Variants in MUC17 observed in about 807,000 individuals in gnomAD.
The protein encoded by MUC17 is mucin-17.
A neutral mutation model predicts 170.3 loss-of-function variants in MUC17; 190 were observed. The ratio of observed to expected loss-of-function variants is 1.12; its 90% CI spans 0.99 to 1.26. MUC17 has a LOEUF of 1.26. MUC17 is among the 50% of genes most tolerant of loss of function. MUC17 has a pLI of 0.00. For synonymous variants in MUC17, 2,325 were observed against 2,002.5 expected, an observed-to-expected ratio of 1.16 and a Z score of -4.30; for missense variants, 6,415 against 5,530.0, an observed-to-expected ratio of 1.16 and a Z score of -5.08.
chr7:101,043,415 C>G lies in MUC17; in HGVS notation c.11999C>G (p.Ala4000Gly), dbSNP rs1390874004. ...ACAACACCCGCAATGACTACTGCAG[C>G]TCCCCTCACATATGTGACCATGTCT... Reference protein sequence around the residue: ...EFTTPAMTTAAPLTYVTMSTA... With the variant: ...EFTTPAMTTAGPLTYVTMSTA... The change falls in exon 3 of 13, where the codon GCT (alanine) becomes GGT (glycine). Residue 4000 changes from alanine (A) to glycine (G), a missense_variant. Physicochemically the swap from Ala to Gly is moderately conservative, Grantham distance 60. Transcript: ENST00000306151. The G allele has an allele frequency of 3.1e-6, 5 of 1,614,170 alleles. No homozygotes were observed. Among genetic ancestry groups the G allele is most frequent in the Middle Eastern group, 3.3e-4 (2 of 6,060 alleles).
chr7:101,029,456 T>G (rs1489161304), intron 1 of MUC17, among the ~76,000 whole-genome samples: 2 of 152,188 alleles, frequency 1.3e-5, no homozygotes, highest in Non-Finnish European at 2.9e-5. Context: ...TCTGGGTAGG[T>G]TTCCATAGGT....
rs201477515 is a variant in MUC17 at position 101,038,978 on chromosome 7, C to G, written c.7562C>G (p.Pro2521Arg). The change falls in exon 3 of 13, where the codon CCT becomes CGT. Residue 2521 changes from proline to arginine, a missense_variant. Pro to Arg is a moderately radical substitution (Grantham distance 103). Coordinates refer to ENST00000306151, the MANE Select transcript of MUC17 (RefSeq NM_001040105.2). ...GGAAGTACTCTATTAACAAGTATAC[C>G]TGTCAGCACCACGCCAGTGGCCAGT... ...SEGSTLLTSI[P>R]VSTTPVASPE... 1 of 1,613,796 alleles carries G rather than the reference C, an allele frequency of 6.2e-7. No individual in the cohort carries two copies.
In MUC17 at chr7:101,041,897, C is replaced by T. The variant is rs1279507590; in HGVS notation, c.10481C>T (p.Pro3494Leu). The change falls in exon 3 of 13, where the codon CCA (proline) becomes CTA (leucine). Residue 3494 changes from proline (P) to leucine (L), a missense_variant. Transcript: ENST00000306151. The stretch of plus-strand genomic sequence containing the variant: ...AGCACACCTGTGACCACTTCTTCTC[C>T]AACCAATTCATCTCCTACAACTGCT... ...DTSTPVTTSSPTNSSPTTAEV... is the reference protein window; with the variant it reads ...DTSTPVTTSSLTNSSPTTAEV... 1.9e-6 allele frequency: 3 copies of T among 1,601,218 alleles called. No homozygotes were observed. Among genetic ancestry groups the T allele is most frequent in the East Asian group, 4.5e-5 (2 of 44,214 alleles).
Position 101,036,336 on chromosome 7 carries a change from C to A in MUC17, c.4920C>A (p.Thr1640=). The part of the protein sequence containing the change: ...SPLLTSIPVS[T]TPVASPEAST... ...TATTAACAAGTATACCTGTCAGCACCACGCCGGTGGCCAGTCCTGAGGCTA... is the reference window on the plus strand; with the variant it reads ...TATTAACAAGTATACCTGTCAGCACAACGCCGGTGGCCAGTCCTGAGGCTA... The change falls in exon 3 of 13, where the codon ACC becomes ACA. Residue 1640 remains threonine (T), a synonymous_variant. Transcript: ENST00000306151. 2 of 1,613,950 alleles carry A rather than the reference C, an allele frequency of 1.2e-6. No individual in the cohort carries two copies. Among genetic ancestry groups the A allele is most frequent in the Non-Finnish European group, 1.7e-6 (2 of 1,179,930 alleles).
chr7:101,021,488 C>T (rs1003471849), intron 1 of MUC17, among the ~76,000 whole-genome samples: 2 of 151,902 alleles, frequency 1.3e-5, no homozygotes, highest in Non-Finnish European at 2.9e-5. Context: ...GCTCCTGGCC[C>T]CCTCCTTTCT....
intron 12 of MUC17, among the ~76,000 whole-genome samples, chr7:101,057,091 G>C (rs796237235): frequency 2.6e-5 from 4 of 152,070 alleles, no homozygotes; most frequent in African/African-American, 9.6e-5. Flanking sequence ...ACTGGAGGTT[G>C]GTTCTAGAGG....
At position 101,041,996 on chromosome 7, in the gene MUC17, C is replaced by G. The variant is rs144268563; in HGVS notation, c.10580C>G (p.Thr3527Arg). 6.2e-7 allele frequency: 1 copy of G among 1,613,438 alleles called. No individual in the cohort carries two copies. The highest frequency in any genetic ancestry group is 8.5e-7 in the Non-Finnish European group (1 of 1,179,550). Residue 3527 changes from threonine to arginine, a missense_variant, in exon 3 of 13, where the codon ACA (threonine) becomes AGA (arginine). By Grantham distance (71) the Thr-to-Arg change is moderately conservative. Transcript: ENST00000306151. ...TTAACAAATATGCCTGTCAGCACCA[C>G]ACCGGTGGCCAGTTCTGAGGCTAGC... is the stretch of plus-strand genomic sequence containing the variant. Reference protein sequence around the residue: ...TPLTNMPVSTTPVASSEASTL... With the variant: ...TPLTNMPVSTRPVASSEASTL...
At chr7:101,020,981 C>G (rs980059989) in intron 1 of MUC17, among the ~76,000 whole-genome samples, 1 of 152,116 alleles carries the variant, frequency 6.6e-6, no homozygotes, top group African/African-American at 2.4e-5. Context: ...GAAACTGGAC[C>G]CATAGACCTC....
intron 11 of MUC17, among the ~76,000 whole-genome samples, chr7:101,055,618 G>A (rs4515479): frequency 0.42 from 63,823 of 152,006 alleles, 14,181 homozygotes; most frequent in Non-Finnish European, 0.5. Flanking sequence ...ATTGACAAAA[G>A]TCAGTGAGGA....
At chr7:101,047,499 C>T (rs1046245424) in intron 3 of MUC17, among the ~76,000 whole-genome samples, 13 of 152,156 alleles carry the variant, frequency 8.5e-5, no homozygotes, top group Non-Finnish European at 1.6e-4. Context: ...TAGTAACTGT[C>T]CTGTGCACCC....
rs771212891 is a variant in MUC17, at chr7:101,043,274, T to C, written c.11858T>C (p.Val3953Ala). ...CCTGTCACCAGTTCTACTGCTGATG[T>C]CTTTCCTGCAACAACTGGTGCTGTA... ...STPVTSSTADVFPATTGAVST... is the reference protein window; with the variant it reads ...STPVTSSTADAFPATTGAVST... Residue 3953 changes from valine to alanine, a missense_variant, in exon 3 of 13, where the codon GTC (valine) becomes GCC (alanine). Transcript: ENST00000306151. 17 of 1,614,066 alleles carry C rather than the reference T, an allele frequency of 1.1e-5. 1 individual carries two copies. In the Admixed American group the frequency reaches 1.7e-4, roughly 16 times the overall value.
intron 3 of MUC17, among the ~76,000 whole-genome samples, chr7:101,044,914 A>G (rs1040374822): frequency 6.6e-6 from 1 of 152,166 alleles, no homozygotes; most frequent in African/African-American, 2.4e-5. Context: ...TAGAAGCAAA[A>G]GAAGATTCCT....
At position 101,025,818 on chromosome 7, in the gene MUC17, C is replaced by T. The variant is rs1794170567; in HGVS notation, c.83-5302C>T. ...TCAAAAAAAAAAAAAAAAAGCTGGGCATGGTGATGCATGCCTGTAGTCCCA... is the reference window on the plus strand; with the variant it reads ...TCAAAAAAAAAAAAAAAAAGCTGGGTATGGTGATGCATGCCTGTAGTCCCA... On this transcript the variant is annotated intron_variant, in intron 1 of 12. Coordinates refer to ENST00000306151, the MANE Select transcript of MUC17 (RefSeq NM_001040105.2). 4.0e-5 allele frequency among the ~76,000 whole-genome samples: 6 copies of T among 148,222 alleles called. No individual in the cohort carries two copies. In the South Asian group the frequency reaches 1.3e-3, roughly 32 times the overall value.
intron 1 of MUC17, among the ~76,000 whole-genome samples, chr7:101,028,766 T>TA (rs1300398876): frequency 1.3e-5 from 2 of 151,928 alleles, no homozygotes; most frequent in Non-Finnish European, 2.9e-5. Flanking sequence ...CTCATGCCTG[T>TA]AGTGCCAGCT....
At chr7:101,049,286 GTCCCTCTGGGA>G in intron 5 of MUC17, 27 bp from the exon 6 acceptor site, 1 of 1,613,902 alleles carries the variant, frequency 6.2e-7, no homozygotes, top group South Asian at 1.1e-5. Context: ...CGGCCCCGTG[GTCCCTCTGGGA>G]TGACACAGTG....
At position 101,040,024 on chromosome 7, in the gene MUC17, C is replaced by T. The variant is rs748796306; in HGVS notation, c.8608C>T (p.Leu2870=). ...PISTASEGST[L]LTSIPVSTTP... is the part of the protein sequence containing the mutation. ...CTCAACTGCTAGTGAAGGAAGTACT[C>T]TATTAACAAGTATACCTGTCAGCAC... Residue 2870 remains leucine (L), a synonymous_variant, in exon 3 of 13, where the codon CTA becomes TTA. Coordinates refer to ENST00000306151, the MANE Select transcript of MUC17 (RefSeq NM_001040105.2). 1.9e-6 allele frequency: 3 copies of T among 1,613,038 alleles called. No individual in the cohort carries two copies. Among genetic ancestry groups the T allele is most frequent in the Non-Finnish European group, 2.5e-6 (3 of 1,179,724 alleles).
At position 101,038,719 on chromosome 7, in the gene MUC17, A is replaced by G. The variant is rs747209616; in HGVS notation, c.7303A>G (p.Ser2435Gly). 1.9e-6 allele frequency: 3 copies of G among 1,612,504 alleles called. No homozygotes were observed. The South Asian group carries it at 3.3e-5, about 18-fold the overall frequency. Residue 2435 changes from serine to glycine, a missense_variant, in exon 3 of 13, where the codon AGT becomes GGT. Transcript: ENST00000306151. ...ACCTGTCACCACTTCTACTGAAGCC[A>G]GTTCATCTCCTACAACTGCTGAAGG... Reference protein sequence around the residue: ...STPVTTSTEASSSPTTAEGTS... With the variant: ...STPVTTSTEAGSSPTTAEGTS...
At chr7:101,023,306 C>G (rs1180029300) in intron 1 of MUC17, among the ~76,000 whole-genome samples, 2 of 152,172 alleles carry the variant, frequency 1.3e-5, no homozygotes, top group African/African-American at 4.8e-5. Flanking sequence ...TTCAGTTCAG[C>G]TCACAACAGA....
chr7:101,040,785 C>T lies in MUC17; in HGVS notation c.9369C>T (p.Ser3123=). The T allele has an allele frequency of 6.2e-7, 1 of 1,613,434 alleles. No homozygotes were observed. The highest frequency in any genetic ancestry group is 8.5e-7 in the Non-Finnish European group (1 of 1,179,692). The part of the protein sequence containing the change: ...STTPVTSSAI[S]TLSTTPVDTS... ...CACCGGTGACCAGTTCTGCAATCAG[C>T]ACCCTTTCAACAACTCCTGTTGACA... The change falls in exon 3 of 13, where the codon AGC becomes AGT. Residue 3123 remains serine (S), a synonymous_variant. Coordinates refer to ENST00000306151, the MANE Select transcript of MUC17 (RefSeq NM_001040105.2).
Sources: gnomAD v4.1 joint callset for allele counts (sites outside exome capture counted in the v4.1 genomes callset) on GRCh38, gnomAD v4.1.1 for gene constraint, MANE v1.5 for transcripts, NCBI Gene and HGNC (gene_info 2026-07-23, HGNC 2026-07-21) for gene names.